SLC25A15: variants seen among roughly 807,000 people sequenced by gnomAD.
SLC25A15 encodes the protein mitochondrial ornithine transporter 1.
SLC25A15 carries 24 observed loss-of-function variants against 32.3 expected under a neutral mutation model. That is an observed-to-expected ratio of 0.74 (90% CI 0.54 to 1.04). The LOEUF (loss-of-function observed/expected upper bound fraction) is 1.04. Ranked by LOEUF, SLC25A15 falls within the 50% of genes least tolerant of loss-of-function variation. The pLI, the probability that SLC25A15 is intolerant of heterozygous loss-of-function variation, is 0.00. For synonymous variants in SLC25A15, 132 were observed against 142.1 expected (o/e 0.93, Z 0.51); for missense variants, 317 against 374.5 (o/e 0.85, Z 1.27).
At chr13:40,797,124 C>T (rs766297289) in intron 2 of SLC25A15, among the ~76,000 whole-genome samples, 4 of 152,052 alleles carry the variant, frequency 2.6e-5, no homozygotes, top group Non-Finnish European at 2.9e-5. Context: ...GCACAGTGAG[C>T]GCCGTGACCA....
Position 40,799,182 on chromosome 13 carries a change from C to T in SLC25A15, c.181C>T (p.Arg61Cys), listed in dbSNP as rs552342390. The stretch of plus-strand genomic sequence containing the variant: ...GAAGACTTACTCCCAGGTGGGCTTC[C>T]GTGGCTTCTACAAGGGTACCAGTCC... ...CLKTYSQVGF[R>C]GFYKGTSPAL... is the part of the protein sequence containing the mutation. Residue 61 changes from arginine (R) to cysteine (C), a missense_variant, in exon 3 of 7, where the codon CGT (arginine) becomes TGT (cysteine). Coordinates refer to ENST00000338625, the MANE Select transcript of SLC25A15 (RefSeq NM_014252.4). The T allele has an allele frequency of 1.2e-5, 20 of 1,614,158 alleles. No individual in the cohort carries two copies. Among genetic ancestry groups the T allele is most frequent in the Middle Eastern group, 1.6e-4 (1 of 6,062 alleles).
At chr13:40,805,331 C>T in intron 4 of SLC25A15, 76 bp downstream of exon 4, 1 of 1,558,586 alleles carries the variant, frequency 6.4e-7, no homozygotes, top group Non-Finnish European at 8.8e-7. Flanking sequence ...TTACATTGTA[C>T]TAAAGTGGCA....
At chr13:40,802,156 G>C (rs186014428) in intron 3 of SLC25A15, 1 of 152,364 alleles carries the variant, frequency 6.6e-6, no homozygotes, top group African/African-American at 2.4e-5. Flanking sequence ...GTCCCTGAGG[G>C]AGGCCAACTG....
At chr13:40,804,987 T>C in intron 3 of SLC25A15, 131 bp from the exon 4 acceptor site, 2 of 1,021,076 alleles carry the variant, frequency 2.0e-6, no homozygotes, top group Non-Finnish European at 3.1e-6. Flanking sequence ...GTCTCCTAAG[T>C]AGCTGTAATC....
chr13:40,793,752 G>C (rs1034405119), intron 2 of SLC25A15, among the ~76,000 whole-genome samples: 9 of 152,238 alleles, frequency 5.9e-5, no homozygotes, highest in Non-Finnish European at 1.0e-4. Context: ...TCCATTTGAT[G>C]GAAGTTTAGT....
chr13:40,795,436 A>G (rs761847549), intron 2 of SLC25A15, among the ~76,000 whole-genome samples: 1 of 152,178 alleles, frequency 6.6e-6, no homozygotes, highest in Admixed American at 6.5e-5. Context: ...AGAAATTGCA[A>G]CAGTATGGTT....
chr13:40,796,941 ATGT>A (rs1297766941), intron 2 of SLC25A15, among the ~76,000 whole-genome samples: 1 of 152,184 alleles, frequency 6.6e-6, no homozygotes, highest in African/African-American at 2.4e-5. Context: ...CGCCGAAAGA[ATGT>A]TGTTATTTGT....
chr13:40,802,194 CAG>C (rs998904193), intron 3 of SLC25A15: 1 of 152,258 alleles, frequency 6.6e-6, no homozygotes, highest in Non-Finnish European at 1.5e-5. Context: ...TGCAAGACAA[CAG>C]AAACCATTTT....
At chr13:40,806,160 C>G (rs1324416055) in intron 4 of SLC25A15, among the ~76,000 whole-genome samples, 2 of 152,124 alleles carry the variant, frequency 1.3e-5, no homozygotes, top group Non-Finnish European at 2.9e-5. Context: ...GAGTGTAAGT[C>G]TTTAAAACTT....
intron 3 of SLC25A15, 43 bp downstream of exon 3, chr13:40,799,358 C>T (rs1009352386): frequency 2.5e-6 from 4 of 1,613,072 alleles, no homozygotes; most frequent in Non-Finnish European, 3.4e-6. Context: ...TTAAAAAAAC[C>T]CCACAAAACT....
Position 40,791,399 on chromosome 13 carries a change from C to T in SLC25A15, c.-70+1736C>T, listed in dbSNP as rs1881498235. On this transcript the variant is annotated intron_variant, in intron 1 of 6. Transcript: ENST00000338625. ...TTGAGACAGAGTCTCACTTTGTTGC[C>T]CAGGCTGGAGTCCAGTGGCACAATC... is the stretch of plus-strand genomic sequence containing the variant. 4.0e-5 allele frequency among the ~76,000 whole-genome samples: 6 copies of T among 148,432 alleles called. No homozygotes were observed. In the South Asian group the frequency reaches 1.3e-3, roughly 32 times the overall value.
rs1412390154 is a variant in SLC25A15, at chr13:40,810,724, C to T, written c.*1057C>T. 1.9e-6 allele frequency: 1 copy of T among 534,144 alleles called. No homozygotes were observed. The allele number at this position is 534,144 out of a possible 1,614,324, so 33.1% of individuals were successfully genotyped here. A position where few individuals can be genotyped will look rare whatever the true frequency, so the allele number is the denominator to read the frequency against. On this transcript the variant is annotated 3_prime_UTR_variant, in exon 7 of 7. Transcript: ENST00000338625. ...CCTTTGGGAAATAGCATGGCCTTTA[C>T]CAGCTTCCCTTCTCTCCCAAAGAAC... is the stretch of plus-strand genomic sequence containing the variant.
chr13:40,794,850 T>G (rs1159061066), intron 2 of SLC25A15, among the ~76,000 whole-genome samples: 1 of 151,930 alleles, frequency 6.6e-6, no homozygotes, highest in Non-Finnish European at 1.5e-5. Context: ...CATCAGTCAT[T>G]TGCTCAATTG....
In SLC25A15 at chr13:40,805,135, C is replaced by T. The variant is rs1364756112; in HGVS notation, c.332C>T (p.Ala111Val). Residue 111 changes from alanine to valine, a missense_variant, in exon 4 of 7, where the codon GCC becomes GTC. Ala to Val is a moderately conservative substitution (Grantham distance 64). Transcript: ENST00000338625. ...QAKLSDLQNA[A>V]AGSFASAFAA... ...GCTTTCAGTGATCTGCAGAATGCAG[C>T]CGCCGGTTCCTTCGCCTCTGCCTTT... 2 of 1,614,008 alleles carry T rather than the reference C, an allele frequency of 1.2e-6. No homozygotes were observed. The highest frequency in any genetic ancestry group is 1.7e-6 in the Non-Finnish European group (2 of 1,180,022).
chr13:40,809,234 A>G (rs147534093), intron 6 of SLC25A15, among the ~76,000 whole-genome samples: 9 of 152,228 alleles, frequency 5.9e-5, no homozygotes, highest in Admixed American at 1.3e-4. Flanking sequence ...TGCCACCTCT[A>G]TCTCCATGGT....
intron 1 of SLC25A15, among the ~76,000 whole-genome samples, chr13:40,790,917 G>A (rs892946360): frequency 2.9e-4 from 44 of 152,106 alleles, no homozygotes; most frequent in Non-Finnish European, 4.6e-4. Flanking sequence ...TTTAAGTTTG[G>A]CTCACCTAAC....
intron 4 of SLC25A15, 85 bp downstream of exon 4, chr13:40,805,340 C>G: frequency 6.6e-7 from 1 of 1,511,682 alleles, no homozygotes; most frequent in Non-Finnish European, 9.1e-7. Flanking sequence ...ACTAAAGTGG[C>G]AGATGTGGAA....
At chr13:40,807,226 C>A in intron 4 of SLC25A15, 68 bp from the exon 5 acceptor site, 1 of 1,459,334 alleles carries the variant, frequency 6.9e-7, no homozygotes, top group Non-Finnish European at 9.6e-7. Context: ...TAATTGGTTG[C>A]AAATGCCCTT....
chr13:40,796,452 A>G (rs1881672779), intron 2 of SLC25A15, among the ~76,000 whole-genome samples: 1 of 152,248 alleles, frequency 6.6e-6, no homozygotes, highest in Admixed American at 6.5e-5. Context: ...TACCACTTTA[A>G]TAGTCATTCA....
Sources: allele counts gnomAD v4.1 joint callset (sites outside exome capture counted in the v4.1 genomes callset), GRCh38; gene constraint gnomAD v4.1.1; transcripts MANE v1.5; gene names NCBI Gene and HGNC (gene_info 2026-07-23, HGNC 2026-07-21).